The following TNIP3 variants were observed in gnomAD, a reference collection of about 807,000 sequenced individuals.
TNIP3 encodes the protein TNFAIP3 interacting protein 3, also known as TNFAIP3-interacting protein 3.
A neutral mutation model predicts 54.1 loss-of-function variants in TNIP3; 34 were observed. That is an observed-to-expected ratio of 0.63 (90% CI 0.48 to 0.84). The LOEUF is 0.84. Ranked by LOEUF, TNIP3 falls within the 40% of genes least tolerant of loss-of-function variation. The probability of loss-of-function intolerance (pLI) is 0.00; values close to 1 mark genes in which losing one functional copy is unlikely to be tolerated. For missense variants in TNIP3, 366 were observed against 387.6 expected (o/e 0.94, Z 0.47); for synonymous variants, 134 against 136.8 (o/e 0.98, Z 0.14).
chr4:121,209,850 T>G (rs569359083), intron 2 of TNIP3, among the ~76,000 whole-genome samples: 2 of 152,348 alleles, frequency 1.3e-5, no homozygotes, highest in Non-Finnish European at 2.9e-5. Context: ...CCAAGAACTA[T>G]TCTACGTACT....
At chr4:121,152,418 G>A (rs1359828772) in intron 5 of TNIP3, among the ~76,000 whole-genome samples, 1 of 152,174 alleles carries the variant, frequency 6.6e-6, no homozygotes, top group East Asian at 1.9e-4. Flanking sequence ...TTAAAGTATA[G>A]ATGTGGGATG....
chr4:121,140,244 G>A (rs1482594164), intron 9 of TNIP3, among the ~76,000 whole-genome samples: 1 of 152,102 alleles, frequency 6.6e-6, no homozygotes, highest in Non-Finnish European at 1.5e-5. Flanking sequence ...TGAGGCAGGA[G>A]AATTGCCTGA....
At chr4:121,224,605 A>G (rs13125962) in intron 1 of TNIP3, among the ~76,000 whole-genome samples, 35,417 of 152,058 alleles carry the variant, frequency 0.23, 4,246 homozygotes, top group Middle Eastern at 0.31. Context: ...GTTTTCACCC[A>G]TATTTAGGCA....
At chr4:121,177,276 T>A (rs1724415109) in intron 3 of TNIP3, among the ~76,000 whole-genome samples, 1 of 152,232 alleles carries the variant, frequency 6.6e-6, no homozygotes, top group African/African-American at 2.4e-5. Context: ...TCATTCTCAC[T>A]TAGGCAATTA....
intron 3 of TNIP3, among the ~76,000 whole-genome samples, chr4:121,173,079 C>A (rs1017697792): frequency 1.1e-4 from 17 of 152,258 alleles, no homozygotes; most frequent in Admixed American, 1.0e-3. Flanking sequence ...GTGGCTGAAC[C>A]CATATCAGAG....
intron 2 of TNIP3, among the ~76,000 whole-genome samples, chr4:121,188,800 T>C (rs1339282678): frequency 6.6e-6 from 1 of 152,190 alleles, no homozygotes; most frequent in Admixed American, 6.5e-5. Context: ...CATTAATTAA[T>C]ACATTGAATA....
At chr4:121,134,254 C>T (rs79991473) in intron 10 of TNIP3, among the ~76,000 whole-genome samples, 5,768 of 152,218 alleles carry the variant, frequency 0.038, 156 homozygotes, top group Non-Finnish European at 0.059. Context: ...TAACTCTGTA[C>T]CCTATGAAAA....
upstream of TNIP3, among the ~76,000 whole-genome samples, chr4:121,217,395 A>G (rs1362126120): frequency 2.0e-5 from 3 of 152,192 alleles, no homozygotes; most frequent in Admixed American, 6.5e-5. Context: ...AAAATGCTCC[A>G]GGAAAGATTC....
At chr4:121,136,284 G>T (rs1409133740) in intron 10 of TNIP3, among the ~76,000 whole-genome samples, 1 of 152,160 alleles carries the variant, frequency 6.6e-6, no homozygotes, top group Non-Finnish European at 1.5e-5. Flanking sequence ...TATTATCTAT[G>T]TTAGAGTCCC....
At chr4:121,145,437 T>C (rs1347055720) in intron 7 of TNIP3, among the ~76,000 whole-genome samples, 1 of 152,096 alleles carries the variant, frequency 6.6e-6, no homozygotes, top group Non-Finnish European at 1.5e-5. Flanking sequence ...ATTTATTTTG[T>C]TGATACCAAT....
intron 3 of TNIP3, among the ~76,000 whole-genome samples, chr4:121,169,863 A>G (rs1251420421): frequency 2.6e-5 from 4 of 152,328 alleles, no homozygotes; most frequent in South Asian, 4.2e-4. Flanking sequence ...CAATGCTTCT[A>G]TGCGATATAG....
intron 1 of TNIP3, among the ~76,000 whole-genome samples, chr4:121,161,549 T>C (rs1459693646): frequency 2.6e-5 from 4 of 152,226 alleles, no homozygotes; most frequent in African/African-American, 7.2e-5. Flanking sequence ...AAATGACAAT[T>C]CAGAAATCAG....
rs781715758 is a variant in TNIP3 at position 121,161,231 on chromosome 4, A to G, written c.67-15T>C. ...GGTTCAGCACACTTAGAAAAAAAAA[A>G]AGAGAGAAGATTGAAACAAAGCTGT... On this transcript the variant is annotated splice_polypyrimidine_tract_variant and intron_variant, in intron 1 of 10. Transcript: ENST00000057513. The G allele has an allele frequency of 2.0e-4, 316 of 1,543,058 alleles. No homozygotes were observed. Among genetic ancestry groups the G allele is most frequent in the Non-Finnish European group, 2.5e-4 (287 of 1,143,862 alleles).
At chr4:121,209,479 G>T (rs1175067380) in intron 2 of TNIP3, among the ~76,000 whole-genome samples, 1 of 152,132 alleles carries the variant, frequency 6.6e-6, no homozygotes, top group Non-Finnish European at 1.5e-5. Context: ...ATGGAGAGTT[G>T]TGGGAAAAAA....
chr4:121,227,353 A>G (rs1727301218), intron 1 of TNIP3: 1 of 1,532,352 alleles, frequency 6.5e-7, no homozygotes, highest in Non-Finnish European at 8.7e-7. Context: ...AAGCGAAATG[A>G]AAGTAAAGGC....
In TNIP3 at chr4:121,201,166, T is replaced by A. The variant is rs546315542; in HGVS notation, c.68+15249A>T. Among the ~76,000 whole-genome samples the A allele has an allele frequency of 1.7e-4, 26 of 152,242 alleles. No individual in the cohort carries two copies. The South Asian group carries it at 5.2e-3, about 30-fold the overall frequency. ...GGGCAGGAAAGAAAGTTTTGAGGTA[T>A]GAGGAAAGTCCAGAAAACATGCTAA... On this transcript the variant is annotated intron_variant, in intron 2 of 12. Coordinates refer to the TNIP3 transcript ENST00000507879.
intron 2 of TNIP3, among the ~76,000 whole-genome samples, chr4:121,204,659 T>C (rs532432134): frequency 5.2e-4 from 79 of 152,312 alleles, no homozygotes; most frequent in African/African-American, 1.8e-3. Context: ...CAATGCACAA[T>C]AGAAATACCT....
intron 3 of TNIP3, among the ~76,000 whole-genome samples, chr4:121,179,406 A>T (rs1035565680): frequency 6.6e-6 from 1 of 152,220 alleles, no homozygotes; most frequent in Non-Finnish European, 1.5e-5. Flanking sequence ...TATTTACCCC[A>T]ATAGGTATTT....
chr4:121,224,071 T>A (rs1727155520), intron 1 of TNIP3, among the ~76,000 whole-genome samples: 1 of 152,288 alleles, frequency 6.6e-6, no homozygotes, highest in Middle Eastern at 3.4e-3. Context: ...GCTCTCTGAT[T>A]TTAATTAGTG....
Sources: allele counts gnomAD v4.1 joint callset (sites outside exome capture counted in the v4.1 genomes callset), GRCh38; gene constraint gnomAD v4.1.1; transcripts MANE v1.5; gene names NCBI Gene and HGNC (gene_info 2026-07-23, HGNC 2026-07-21).